Variants in PDGFD observed in about 807,000 individuals in gnomAD.
PDGFD encodes platelet-derived growth factor D.
Under a neutral mutation model 44.7 loss-of-function variants are expected in PDGFD, and 30 were observed. The observed-to-expected ratio is 0.67, with a 90% CI of 0.50 to 0.91. The LOEUF is 0.91. Ranked by LOEUF, PDGFD falls within the 40% of genes least tolerant of loss-of-function variation. PDGFD has a pLI of 0.00. For missense variants in PDGFD, 445 were observed against 457.8 expected, an observed-to-expected ratio of 0.97 and a Z score of 0.25; for synonymous variants, 173 against 168.4, an observed-to-expected ratio of 1.03 and a Z score of -0.21.
At chr11:103,969,484 T>TTTG (rs1555038767) in intron 3 of PDGFD, among the ~76,000 whole-genome samples, 3 of 148,132 alleles carry the variant, frequency 2.0e-5, no homozygotes. Context: ...GTTTTTTTTT[T>TTTG]TTTTTTTTTT....
At chr11:104,053,069 T>C (rs1239998752) in intron 1 of PDGFD, among the ~76,000 whole-genome samples, 1 of 152,176 alleles carries the variant, frequency 6.6e-6, no homozygotes, top group Non-Finnish European at 1.5e-5. Context: ...ATGATTTAAT[T>C]GAACAAATAC....
chr11:104,076,817 C>T (rs1860967435), intron 1 of PDGFD, among the ~76,000 whole-genome samples: 1 of 152,202 alleles, frequency 6.6e-6, no homozygotes, highest in Admixed American at 6.5e-5. Flanking sequence ...CTCTCTCCTT[C>T]TCCTTCCTCA....
At chr11:103,975,718 G>C (rs1859174353) in intron 3 of PDGFD, among the ~76,000 whole-genome samples, 1 of 152,102 alleles carries the variant, frequency 6.6e-6, no homozygotes, top group Admixed American at 6.6e-5. Context: ...CATATGACTA[G>C]CCACTTTTCC....
chr11:103,935,210 G>T (rs138709093), intron 5 of PDGFD, among the ~76,000 whole-genome samples: 47 of 152,248 alleles, frequency 3.1e-4, no homozygotes, highest in African/African-American at 1.1e-3. Flanking sequence ...ATGAGGGTGG[G>T]GTTAGGATAT....
In PDGFD at chr11:103,926,929, CG is replaced by C. The variant is rs1858324028; in HGVS notation, c.969del (p.Val324Ter). On this transcript the variant is annotated frameshift_variant, in exon 6 of 7. Coordinates refer to ENST00000393158, the MANE Select transcript of PDGFD (RefSeq NM_025208.5). LOFTEE classifies it high-confidence loss of function. ...TGACATACCTCATGATACTTTTTCA[CG>C]GTTTTCCCTGAATTGCATGTGCAGG... ...WRSCTCNSGKTVKKYHEVLQF... is the reference protein window; with the variant it reads ...WRSCTCNSGKXVKKYHEVLQF... 6.2e-7 allele frequency: 1 copy of C among 1,613,746 alleles called. No individual in the cohort carries two copies. Among genetic ancestry groups the C allele is most frequent in the South Asian group, 1.1e-5 (1 of 91,036 alleles).
At chr11:103,962,700 G>T (rs189869669) in intron 3 of PDGFD, among the ~76,000 whole-genome samples, 1 of 152,082 alleles carries the variant, frequency 6.6e-6, no homozygotes, top group Non-Finnish European at 1.5e-5. Context: ...ATGGAACACC[G>T]ACTGTGTGAC....
At chr11:103,914,773 G>A (rs1858091729) in intron 6 of PDGFD, among the ~76,000 whole-genome samples, 1 of 152,062 alleles carries the variant, frequency 6.6e-6, no homozygotes, top group Non-Finnish European at 1.5e-5. Context: ...GTCATCCCTG[G>A]GATGCAAGGC....
rs374496998 is a variant in PDGFD at position 103,996,119 on chromosome 11, C to A, written c.456G>T (p.Lys152Asn). The change falls in exon 3 of 7, where the codon AAG becomes AAT. Residue 152 changes from lysine (K) to asparagine (N), a missense_variant. Lys to Asn is a moderately conservative substitution (Grantham distance 94). Transcript: ENST00000393158. ...GTTTAGCCACAAAGTAGTCATCGGA[C>A]TTGAATGTGATTTTAATTTGGTTCG... is the stretch of plus-strand genomic sequence containing the variant. ...SRTNQIKITF[K>N]SDDYFVAKPG... 18 of 1,613,636 alleles carry A rather than the reference C, an allele frequency of 1.1e-5. No individual in the cohort carries two copies. The African/African-American group carries it at 1.6e-4, about 14-fold the overall frequency.
rs79147825 is a variant in PDGFD at position 104,085,469 on chromosome 11, C to G, written c.124+78335G>C. Reference sequence around the variant, plus strand: ...GTTTACCCATTCATTCACTGAACGACATTTCTGTTCCCTTTACACTCCTAA... The same window carrying G: ...GTTTACCCATTCATTCACTGAACGAGATTTCTGTTCCCTTTACACTCCTAA... On this transcript the variant is annotated intron_variant, in intron 1 of 6. Transcript: ENST00000393158. 9.5e-3 allele frequency among the ~76,000 whole-genome samples: 1,450 copies of G among 152,230 alleles called. 17 individuals carry two copies. The highest frequency in any genetic ancestry group is 0.033 in the African/African-American group (1,360 of 41,538).
chr11:104,026,106 C>T (rs1213636748), intron 1 of PDGFD, among the ~76,000 whole-genome samples: 2 of 152,210 alleles, frequency 1.3e-5, no homozygotes, highest in Non-Finnish European at 2.9e-5. Flanking sequence ...ACACTATCTT[C>T]TCCTGACCTC....
intron 1 of PDGFD, among the ~76,000 whole-genome samples, chr11:104,053,326 G>C (rs1205628405): frequency 6.6e-6 from 1 of 152,172 alleles, no homozygotes; most frequent in Non-Finnish European, 1.5e-5. Flanking sequence ...TTGGGCAAAA[G>C]GCACCATGCA....
chr11:104,089,805 T>C (rs888859341), intron 1 of PDGFD, among the ~76,000 whole-genome samples: 12 of 152,184 alleles, frequency 7.9e-5, no homozygotes, highest in African/African-American at 2.9e-4. Flanking sequence ...GCCTCCAAGC[T>C]ACATGTCAAA....
chr11:104,042,909 A>G (rs562976861), intron 1 of PDGFD, among the ~76,000 whole-genome samples: 1 of 152,314 alleles, frequency 6.6e-6, no homozygotes, highest in Admixed American at 6.5e-5. Flanking sequence ...AACTTCTGTC[A>G]TGTCTAAGGA....
chr11:104,062,363 G>A (rs1439914658), intron 1 of PDGFD, among the ~76,000 whole-genome samples: 3 of 152,162 alleles, frequency 2.0e-5, no homozygotes, highest in Non-Finnish European at 2.9e-5. Context: ...TCTGCATGTC[G>A]TAAGATCTGG....
At chr11:103,990,663 G>A (rs1246612041) in intron 3 of PDGFD, among the ~76,000 whole-genome samples, 2 of 152,162 alleles carry the variant, frequency 1.3e-5, no homozygotes, top group Non-Finnish European at 2.9e-5. Context: ...GAAATCTCCA[G>A]TGGGATATAT....
chr11:104,034,102 C>T (rs986357776), intron 1 of PDGFD, among the ~76,000 whole-genome samples: 10 of 152,126 alleles, frequency 6.6e-5, no homozygotes, highest in African/African-American at 2.2e-4. Flanking sequence ...CTTTCTAAAC[C>T]CAGTTCTTTC....
chr11:103,934,354 G>A (rs1317075490), intron 5 of PDGFD, among the ~76,000 whole-genome samples: 3 of 152,130 alleles, frequency 2.0e-5, no homozygotes, highest in African/African-American at 7.2e-5. Context: ...AAACTAGAAG[G>A]AGCTGAGATT....
chr11:103,920,147 T>C (rs1387313202), intron 6 of PDGFD, among the ~76,000 whole-genome samples: 1 of 152,218 alleles, frequency 6.6e-6, no homozygotes, highest in Non-Finnish European at 1.5e-5. Flanking sequence ...TCAACAGTGT[T>C]ATATTAAGAA....
intron 1 of PDGFD, among the ~76,000 whole-genome samples, chr11:104,135,583 G>C (rs1035786854): frequency 3.9e-5 from 6 of 152,178 alleles, no homozygotes; most frequent in African/African-American, 1.4e-4. Context: ...TTACTCAGAA[G>C]GCTATTTGGT....
Sources: allele counts gnomAD v4.1 joint callset (sites outside exome capture counted in the v4.1 genomes callset), GRCh38; gene constraint gnomAD v4.1.1; transcripts MANE v1.5; gene names NCBI Gene and HGNC (gene_info 2026-07-23, HGNC 2026-07-21).